TDG: variants seen among roughly 807,000 people sequenced by gnomAD.
TDG encodes the protein thymine DNA glycosylase, also known as G/T mismatch-specific thymine DNA glycosylase.
TDG carries 23 observed loss-of-function variants against 46.1 expected under a neutral mutation model. That is an observed-to-expected ratio of 0.50 (90% CI 0.36 to 0.71). The LOEUF is 0.71. TDG is among the 30% of genes least tolerant of loss of function. TDG has a pLI of 0.00. For missense variants in TDG, 304 were observed against 486.7 expected (o/e 0.62, Z 3.53); for synonymous variants, 115 against 161.3 (o/e 0.71, Z 2.18).
chr12:103,976,408 CCACA>C (rs144717913), intron 1 of TDG, among the ~76,000 whole-genome samples: 66 of 147,522 alleles, frequency 4.5e-4, no homozygotes, highest in Non-Finnish European at 5.6e-4. Flanking sequence ...CCCTGTCTCC[CCACA>C]CACACACACA....
chr12:103,982,971 T>C (rs768045356), intron 5 of TDG, 37 bp downstream of exon 5: 84 of 1,609,678 alleles, frequency 5.2e-5, no homozygotes, highest in Non-Finnish European at 6.5e-5. Context: ...GGTTGGAACC[T>C]TGAGTATGCT....
intron 4 of TDG, 108 bp from the exon 5 acceptor site, chr12:103,982,691 G>C: frequency 3.6e-6 from 4 of 1,110,110 alleles, no homozygotes; most frequent in Middle Eastern, 3.2e-4. Context: ...CTTGAGCCTC[G>C]GTGGTCGAGG....
intron 1 of TDG, among the ~76,000 whole-genome samples, chr12:103,974,797 T>C (rs1871447942): frequency 1.3e-5 from 2 of 151,748 alleles, no homozygotes; most frequent in African/African-American, 2.4e-5. Flanking sequence ...GGTGAAACCC[T>C]GTCTCTACTA....
intron 1 of TDG, among the ~76,000 whole-genome samples, chr12:103,972,027 T>C (rs1014557694): frequency 7.2e-5 from 11 of 152,218 alleles, no homozygotes; most frequent in African/African-American, 2.7e-4. Context: ...CATACACAAA[T>C]GTATTTAAGA....
chr12:103,966,377 G>A (rs775739441), intron 1 of TDG, among the ~76,000 whole-genome samples: 2 of 152,170 alleles, frequency 1.3e-5, no homozygotes, highest in Non-Finnish European at 2.9e-5. Context: ...GCCATTCTTG[G>A]CTAGAAGGGT....
In TDG at chr12:103,986,861, G is replaced by A. The variant is rs1012201152; in HGVS notation, c.1091-87G>A. ...GATCATGCCACTGCATTCCAGCCTG[G>A]GCGATAGAGTAAGACCCAGTCTCTA... On this transcript the variant is annotated intron_variant, in intron 9 of 9. Coordinates refer to ENST00000392872, the MANE Select transcript of TDG (RefSeq NM_003211.6). 37 of 1,454,964 alleles carry A rather than the reference G, an allele frequency of 2.5e-5. 1 individual carries two copies. Among genetic ancestry groups the A allele is most frequent in the African/African-American group, 5.6e-5 (4 of 72,002 alleles). The allele number at this position is 1,454,964 out of a possible 1,614,324, so 90.1% of individuals were successfully genotyped here. A position where few individuals can be genotyped will look rare whatever the true frequency, so the allele number is the denominator to read the frequency against.
chr12:103,974,467 G>A (rs1282090956), intron 1 of TDG, among the ~76,000 whole-genome samples: 2 of 151,936 alleles, frequency 1.3e-5, no homozygotes, highest in African/African-American at 4.8e-5. Context: ...TTTTGTGGAG[G>A]TGGCGATCTT....
chr12:103,986,984 G>A lies in TDG; in HGVS notation c.1127G>A (p.Ser376Asn). Residue 376 changes from serine (S) to asparagine (N), a missense_variant, in exon 10 of 10, where the codon AGT becomes AAT. Physicochemically the swap from Ser to Asn is conservative, Grantham distance 46. Coordinates refer to ENST00000392872, the MANE Select transcript of TDG (RefSeq NM_003211.6). ...GAGTTAAGAGGAGAATCAGCTTTCA[G>A]TGGCATTCCTAATGGGCAGTGGATG... ...SVELRGESAF[S>N]GIPNGQWMTQ... 3 of 1,614,260 alleles carry A rather than the reference G, an allele frequency of 1.9e-6. No homozygotes were observed. The highest frequency in any genetic ancestry group is 2.5e-6 in the Non-Finnish European group (3 of 1,180,046).
intron 7 of TDG, among the ~76,000 whole-genome samples, chr12:103,984,539 G>A (rs1872012231): frequency 6.6e-6 from 1 of 152,110 alleles, no homozygotes; most frequent in Non-Finnish European, 1.5e-5. Flanking sequence ...TCATTAGGCG[G>A]AGGCTCATTA....
At chr12:103,972,692 G>A (rs1871337328) in intron 1 of TDG, among the ~76,000 whole-genome samples, 1 of 152,078 alleles carries the variant, frequency 6.6e-6, no homozygotes, top group Admixed American at 6.6e-5. Context: ...GAAAGATTAA[G>A]GGATATTTCA....
intron 8 of TDG, 95 bp downstream of exon 8, chr12:103,985,015 A>G (rs542912838): frequency 2.9e-6 from 3 of 1,017,672 alleles, no homozygotes; most frequent in African/African-American, 1.6e-5. Context: ...ATATACATAT[A>G]CACATATACA....
chr12:103,969,389 G>A (rs551547258), intron 1 of TDG, among the ~76,000 whole-genome samples: 15 of 152,334 alleles, frequency 9.8e-5, no homozygotes, highest in African/African-American at 3.1e-4. Flanking sequence ...CCAGTTAGGT[G>A]AAATAAAAAC....
chr12:103,966,288 G>C (rs912760187), intron 1 of TDG, among the ~76,000 whole-genome samples: 2 of 152,148 alleles, frequency 1.3e-5, no homozygotes, highest in African/African-American at 2.4e-5. Context: ...ACCCTTCTTT[G>C]GTTCCCCGCG....
In TDG at chr12:103,987,108, T is replaced by A. The variant is rs1465434822; in HGVS notation, c.*18T>A. 2 of 1,610,846 alleles carry A rather than the reference T, an allele frequency of 1.2e-6. No individual in the cohort carries two copies. The highest frequency in any genetic ancestry group is 1.7e-5 in the Admixed American group (1 of 60,002). ...ATGCTTAAGAATGGTGCTTCTCAGC[T>A]CTGCTTAAATGCTGCAGTTTTAATG... On this transcript the variant is annotated 3_prime_UTR_variant, in exon 10 of 10. Coordinates refer to ENST00000392872, the MANE Select transcript of TDG (RefSeq NM_003211.6).
In TDG at chr12:103,986,997, T is replaced by C; in HGVS notation, c.1140T>C (p.Asn380=). The C allele has an allele frequency of 1.9e-6, 3 of 1,614,266 alleles. No individual in the cohort carries two copies. Among genetic ancestry groups the C allele is most frequent in the South Asian group, 1.1e-5 (1 of 91,092 alleles). Residue 380 remains asparagine, a synonymous_variant, in exon 10 of 10, where the codon AAT becomes AAC. Transcript: ENST00000392872. ...RGESAFSGIP[N]GQWMTQSFTD... ...AATCAGCTTTCAGTGGCATTCCTAA[T>C]GGGCAGTGGATGACCCAGTCATTTA...
At chr12:103,985,983 G>A (rs1044339833) in intron 9 of TDG, among the ~76,000 whole-genome samples, 27 of 152,024 alleles carry the variant, frequency 1.8e-4, no homozygotes, top group Admixed American at 1.4e-3. Flanking sequence ...GCAGTGGCTC[G>A]ATCTTGGCTC....
chr12:103,976,539 A>T, intron 1 of TDG, among the ~76,000 whole-genome samples: 1 of 152,310 alleles, frequency 6.6e-6, no homozygotes, highest in Middle Eastern at 3.4e-3. Flanking sequence ...GAAGGAAAGT[A>T]GGGGCACAAA....
chr12:103,984,872 A>G lies in TDG; in HGVS notation c.916A>G (p.Met306Val), dbSNP rs1401485647. The G allele has an allele frequency of 1.2e-6, 2 of 1,613,398 alleles. No individual in the cohort carries two copies. The highest frequency in any genetic ancestry group is 2.7e-5 in the African/African-American group (2 of 74,960). Residue 306 changes from methionine to valine, a missense_variant, in exon 8 of 10, where the codon ATG becomes GTG. Met to Val is a conservative substitution (Grantham distance 21). Coordinates refer to ENST00000392872, the MANE Select transcript of TDG (RefSeq NM_003211.6). ...TCAGTTGAAAGGCATTGAACGAAAT[A>G]TGGACGTTCAAGAGGTGCAATATAC... is the stretch of plus-strand genomic sequence containing the variant. The part of the protein sequence containing the change: ...RDQLKGIERN[M>V]DVQEVQYTFD...
In TDG at chr12:103,983,169, A is replaced by G; in HGVS notation, c.648A>G (p.Val216=). ...TTCGTGAAGGAGGACGTATTCTAGT[A>G]CAGAAATTACAGAAATATCAGCCAC... ...KEFREGGRIL[V]QKLQKYQPRI... Residue 216 remains valine (V), a synonymous_variant, in exon 6 of 10, where the codon GTA becomes GTG. Transcript: ENST00000392872. 1 of 1,607,962 alleles carries G rather than the reference A, an allele frequency of 6.2e-7. No individual in the cohort carries two copies. Among genetic ancestry groups the G allele is most frequent in the Non-Finnish European group, 8.5e-7 (1 of 1,178,154 alleles).
Sources: allele counts gnomAD v4.1 joint callset (sites outside exome capture counted in the v4.1 genomes callset), GRCh38; gene constraint gnomAD v4.1.1; transcripts MANE v1.5; gene names NCBI Gene and HGNC (gene_info 2026-07-23, HGNC 2026-07-21).